SLC24A3: variants seen among roughly 807,000 people sequenced by gnomAD.
SLC24A3 encodes solute carrier family 24 member 3.
SLC24A3 carries 28 observed loss-of-function variants against 75.8 expected under a neutral mutation model. That is an observed-to-expected ratio of 0.37 (90% CI 0.27 to 0.51). SLC24A3 has a LOEUF of 0.51. SLC24A3 is among the 20% of genes least tolerant of loss of function. The probability of loss-of-function intolerance (pLI) is 0.94; values close to 1 mark genes in which losing one functional copy is unlikely to be tolerated. For synonymous variants in SLC24A3, 372 were observed against 334.1 expected, an observed-to-expected ratio of 1.11 and a Z score of -1.24; for missense variants, 663 against 847.8, an observed-to-expected ratio of 0.78 and a Z score of 2.71.
chr20:19,439,027 G>A (rs13038315), intron 2 of SLC24A3, among the ~76,000 whole-genome samples: 3,472 of 152,348 alleles, frequency 0.023, 53 homozygotes, highest in Admixed American at 0.035. Context: ...GGCTTTCTGG[G>A]ATGCAGAGTG....
At chr20:19,367,800 G>T (rs762524835) in intron 2 of SLC24A3, among the ~76,000 whole-genome samples, 1 of 152,176 alleles carries the variant, frequency 6.6e-6, no homozygotes, top group African/African-American at 2.4e-5. Context: ...CCTGGGCCCA[G>T]TTCCACTTGG....
intron 2 of SLC24A3, among the ~76,000 whole-genome samples, chr20:19,428,203 C>G (rs975431146): frequency 6.6e-6 from 1 of 152,198 alleles, no homozygotes; most frequent in Non-Finnish European, 1.5e-5. Context: ...GCTGTTTGTT[C>G]CCTTCACGGG....
chr20:19,657,312 C>T (rs1420663503), intron 7 of SLC24A3, among the ~76,000 whole-genome samples: 2 of 152,212 alleles, frequency 1.3e-5, no homozygotes, highest in Non-Finnish European at 2.9e-5. Flanking sequence ...ACACTGGAAA[C>T]ACCCAGGATG....
At position 19,346,243 on chromosome 20, in the gene SLC24A3, G is replaced by GGT. The variant is rs367810199; in HGVS notation, c.271+65159_271+65160dup. Among the ~76,000 whole-genome samples the GGT allele has an allele frequency of 8.9e-3, 320 of 36,076 alleles. 62 individuals carry two copies. Among genetic ancestry groups the GGT allele is most frequent in the East Asian group, 0.058 (77 of 1,318 alleles). 23.7% of individuals were successfully genotyped at this position (36,076 alleles called of 152,430 possible). ...ATATGTATATATGGTATATATATAT[G>GGT]GTGTATATATATATGGTATATATAT... On this transcript the variant is annotated intron_variant, in intron 2 of 16. Transcript: ENST00000328041.
chr20:19,402,908 C>G (rs1221876220), intron 2 of SLC24A3, among the ~76,000 whole-genome samples: 1 of 152,230 alleles, frequency 6.6e-6, no homozygotes, highest in Non-Finnish European at 1.5e-5. Context: ...ACAGTGGCCA[C>G]TGGCCACACA....
intron 6 of SLC24A3, among the ~76,000 whole-genome samples, chr20:19,597,772 C>T (rs567190074): frequency 1.3e-5 from 2 of 152,190 alleles, no homozygotes; most frequent in Non-Finnish European, 2.9e-5. Flanking sequence ...TACTTTCTGC[C>T]TCCATGAGAT....
At chr20:19,429,402 ACT>A (rs1366977488) in intron 2 of SLC24A3, among the ~76,000 whole-genome samples, 1 of 152,184 alleles carries the variant, frequency 6.6e-6, no homozygotes, top group Non-Finnish European at 1.5e-5. Flanking sequence ...TAATGCTGAA[ACT>A]CTCATTTTTA....
chr20:19,450,264 T>C (rs1270803489), intron 2 of SLC24A3, among the ~76,000 whole-genome samples: 8 of 152,188 alleles, frequency 5.3e-5, no homozygotes, highest in Non-Finnish European at 1.2e-4. Flanking sequence ...CAGACAGTGG[T>C]GAACCAGCAA....
At chr20:19,389,192 G>C (rs1600460087) in intron 2 of SLC24A3, among the ~76,000 whole-genome samples, 1 of 151,662 alleles carries the variant, frequency 6.6e-6, no homozygotes, top group African/African-American at 2.4e-5. Flanking sequence ...TTAAATTATT[G>C]TATATATAGT....
At chr20:19,565,365 G>A (rs1451229741) in intron 3 of SLC24A3, among the ~76,000 whole-genome samples, 1 of 151,714 alleles carries the variant, frequency 6.6e-6, no homozygotes, top group African/African-American at 2.4e-5. Flanking sequence ...TTCACCAGGA[G>A]GCACTGAGAG....
At chr20:19,356,201 C>G (rs1220182958) in intron 2 of SLC24A3, among the ~76,000 whole-genome samples, 2 of 152,142 alleles carry the variant, frequency 1.3e-5, no homozygotes, top group African/African-American at 4.8e-5. Context: ...TAATGAATAT[C>G]CATATACTCA....
intron 1 of SLC24A3, among the ~76,000 whole-genome samples, chr20:19,273,532 C>T (rs1983391874): frequency 6.6e-6 from 1 of 152,192 alleles, no homozygotes; most frequent in Non-Finnish European, 1.5e-5. Flanking sequence ...CTTGCAGGCT[C>T]TGCAGTCTCC....
chr20:19,710,301 AG>A (rs2032974603), intron 15 of SLC24A3, among the ~76,000 whole-genome samples: 1 of 152,214 alleles, frequency 6.6e-6, no homozygotes, highest in Admixed American at 6.5e-5. Context: ...CAAAGGTAAT[AG>A]GGTTCAAAGA....
At chr20:19,441,851 C>G (rs1358613544) in intron 2 of SLC24A3, among the ~76,000 whole-genome samples, 4 of 152,134 alleles carry the variant, frequency 2.6e-5, no homozygotes, top group Admixed American at 6.5e-5. Context: ...TCACTGACCC[C>G]TGGAAACCAC....
At chr20:19,609,728 A>T (rs932075873) in intron 6 of SLC24A3, among the ~76,000 whole-genome samples, 1 of 152,206 alleles carries the variant, frequency 6.6e-6, no homozygotes, top group African/African-American at 2.4e-5. Context: ...ACTTATTCCC[A>T]TTTCAGGTAG....
At chr20:19,552,076 T>C (rs2122600100) in intron 3 of SLC24A3, among the ~76,000 whole-genome samples, 1 of 152,350 alleles carries the variant, frequency 6.6e-6, no homozygotes, top group South Asian at 2.1e-4. Flanking sequence ...TTCCAAGATC[T>C]ACCTTTAGGG....
intron 12 of SLC24A3, among the ~76,000 whole-genome samples, chr20:19,686,042 T>C (rs369107367): frequency 6.6e-6 from 1 of 152,220 alleles, no homozygotes; most frequent in African/African-American, 2.4e-5. Context: ...AGTCAGTTTT[T>C]ATATTAATTC....
At chr20:19,683,726 C>A (rs2032640528) in intron 10 of SLC24A3, among the ~76,000 whole-genome samples, 1 of 152,176 alleles carries the variant, frequency 6.6e-6, no homozygotes, top group Admixed American at 6.5e-5. Flanking sequence ...GGAAAAGAAT[C>A]CTTTAAGGAC....
At chr20:19,516,655 C>G (rs1342788920) in intron 3 of SLC24A3, among the ~76,000 whole-genome samples, 1 of 152,220 alleles carries the variant, frequency 6.6e-6, no homozygotes, top group Admixed American at 6.5e-5. Context: ...CTGAGAAGAG[C>G]ACCTACAGTG....
Sources: allele counts gnomAD v4.1 joint callset (sites outside exome capture counted in the v4.1 genomes callset), GRCh38; gene constraint gnomAD v4.1.1; transcripts MANE v1.5; gene names NCBI Gene and HGNC (gene_info 2026-07-23, HGNC 2026-07-21).